Variants in FBXO33 observed in about 807,000 individuals in gnomAD.
The protein encoded by FBXO33 is F-box only protein 33.
FBXO33 carries 22 observed loss-of-function variants against 46.3 expected under a neutral mutation model. That is an observed-to-expected ratio of 0.48 (90% CI 0.34 to 0.68). The LOEUF is 0.68. FBXO33 is among the 30% of genes least tolerant of loss of function. The pLI is 0.01. For synonymous variants in FBXO33, 337 were observed against 291.3 expected (o/e 1.16, Z -1.60); for missense variants, 692 against 708.8 (o/e 0.98, Z 0.27).
chr14:39,417,015 G>C (rs550962841), intron 1 of FBXO33, among the ~76,000 whole-genome samples: 266 of 152,206 alleles, frequency 1.7e-3, no homozygotes, highest in Non-Finnish European at 3.1e-3. Flanking sequence ...TTTATTCCTA[G>C]TTGTCACAGG....
chr14:39,429,637 C>CA (rs1290790808), intron 1 of FBXO33, among the ~76,000 whole-genome samples: 1 of 152,140 alleles, frequency 6.6e-6, no homozygotes, highest in Non-Finnish European at 1.5e-5. Flanking sequence ...CATGCAATTA[C>CA]ACTACATTTT....
intron 1 of FBXO33, among the ~76,000 whole-genome samples, chr14:39,407,767 G>A (rs1239670810): frequency 2.0e-5 from 3 of 152,176 alleles, no homozygotes; most frequent in Non-Finnish European, 4.4e-5. Flanking sequence ...TGGGTGTGCA[G>A]ATATCTTTGA....
At chr14:39,418,780 A>C (rs1017684280) in intron 1 of FBXO33, among the ~76,000 whole-genome samples, 5 of 137,138 alleles carry the variant, frequency 3.6e-5, no homozygotes, top group African/African-American at 2.9e-5. Context: ...GTCTCAAAAA[A>C]AAAAAAAAAC....
At chr14:39,418,022 A>G (rs188502292) in intron 1 of FBXO33, among the ~76,000 whole-genome samples, 2 of 152,028 alleles carry the variant, frequency 1.3e-5, no homozygotes, top group African/African-American at 4.8e-5. Flanking sequence ...CCCAGTGATC[A>G]TATCTGGTGG....
At chr14:39,419,642 T>C (rs1203359338) in intron 1 of FBXO33, among the ~76,000 whole-genome samples, 3 of 152,228 alleles carry the variant, frequency 2.0e-5, no homozygotes, top group Admixed American at 6.5e-5. Flanking sequence ...CTCAGTAACC[T>C]GAGTTTATTT....
intron 1 of FBXO33, among the ~76,000 whole-genome samples, chr14:39,418,339 A>T (rs1166818518): frequency 6.6e-6 from 1 of 151,740 alleles, no homozygotes; most frequent in East Asian, 2.0e-4. Flanking sequence ...CTGGGATTAC[A>T]GGCCGGAGCC....
At chr14:39,401,967 A>G (rs964116763) in intron 2 of FBXO33, 106 bp from the exon 3 acceptor site, 33 of 837,366 alleles carry the variant, frequency 3.9e-5, no homozygotes, top group South Asian at 2.7e-4. Context: ...TTTGAGATCT[A>G]TTTTTCCTCA....
rs750206687 is a variant in FBXO33, at chr14:39,431,996, C to T, written c.167G>A (p.Arg56Gln). ...RGRPGAGSRRRGRMALCGQAA... is the reference protein window; with the variant it reads ...RGRPGAGSRRQGRMALCGQAA... ...CTGCCCGCACAGAGCCATCCGGCCC[C>T]GCCGCCGGCTGCCGGCTCCCGGCCG... The change falls in exon 1 of 4, where the codon CGG (arginine) becomes CAG (glutamine). Residue 56 changes from arginine (R) to glutamine (Q), a missense_variant. Coordinates refer to ENST00000298097, the MANE Select transcript of FBXO33 (RefSeq NM_203301.4). 1.7e-4 allele frequency: 247 copies of T among 1,431,572 alleles called. No individual in the cohort carries two copies. The East Asian group carries it at 5.4e-3, about 31-fold the overall frequency. The allele number at this position is 1,431,572 out of a possible 1,614,324, so 88.7% of individuals were successfully genotyped here. A position where few individuals can be genotyped will look rare whatever the true frequency, so the allele number is the denominator to read the frequency against.
Position 39,399,596 on chromosome 14 carries a change from C to G in FBXO33, c.1588G>C (p.Asp530His), listed in dbSNP as rs1374090731. Reference protein sequence around the residue: ...GLGQPWHAVMDIESLSVFTEP... With the variant: ...GLGQPWHAVMHIESLSVFTEP... ...GTGAAGACACTGAGTGATTCGATGT[C>G]CATGACTGCATGCCAAGGTTGACCC... is the stretch of plus-strand genomic sequence containing the variant. The change falls in exon 4 of 4, where the codon GAC becomes CAC. Residue 530 changes from aspartate to histidine, a missense_variant. Asp to His is a moderately conservative substitution (Grantham distance 81). This residue lies in a region of FBXO33 where 94 missense variants were observed against 91.9 expected (regional missense o/e 1.02). Coordinates refer to ENST00000298097, the MANE Select transcript of FBXO33 (RefSeq NM_203301.4). 1.9e-6 allele frequency: 3 copies of G among 1,613,760 alleles called. No individual in the cohort carries two copies. The Admixed American group carries it at 5.0e-5, about 27-fold the overall frequency.
intron 1 of FBXO33, among the ~76,000 whole-genome samples, chr14:39,415,244 C>A (rs1373740659): frequency 6.6e-6 from 1 of 151,960 alleles, no homozygotes; most frequent in South Asian, 2.1e-4. Flanking sequence ...CTGCCATTAC[C>A]CATGATCATG....
intron 3 of FBXO33, among the ~76,000 whole-genome samples, chr14:39,400,302 T>C (rs2075362842): frequency 6.6e-6 from 1 of 152,176 alleles, no homozygotes; most frequent in Non-Finnish European, 1.5e-5. Context: ...ATCATGTGAA[T>C]GATATGCACC....
intron 1 of FBXO33, among the ~76,000 whole-genome samples, chr14:39,414,308 G>A (rs933744826): frequency 2.8e-4 from 43 of 152,192 alleles, no homozygotes; most frequent in African/African-American, 9.4e-4. Context: ...TCACAGACTT[G>A]AAGAGCATTA....
intron 1 of FBXO33, among the ~76,000 whole-genome samples, chr14:39,419,134 A>T (rs960930990): frequency 2.0e-5 from 3 of 152,242 alleles, no homozygotes; most frequent in Non-Finnish European, 4.4e-5. Context: ...AGCAAGGTAG[A>T]GAATCGAGGT....
Position 39,432,230 on chromosome 14 carries a change from GGA to G in FBXO33, c.-70_-69del, listed in dbSNP as rs1197261256. On this transcript the variant is annotated 5_prime_UTR_variant, in exon 1 of 4. Transcript: ENST00000298097. ...CGGAACCAAGTAGAACACAAGTTGT[GGA>G]GAGGGGGAAAGGCCTCTGCGGGCGT... The G allele has an allele frequency of 1.7e-6, 2 of 1,157,138 alleles. No individual in the cohort carries two copies. The highest frequency in any genetic ancestry group is 3.2e-5 in the African/African-American group (2 of 61,646). The allele number at this position is 1,157,138 out of a possible 1,614,324, so 71.7% of individuals were successfully genotyped here.
At chr14:39,406,994 A>G (rs2075401762) in intron 1 of FBXO33, among the ~76,000 whole-genome samples, 1 of 152,224 alleles carries the variant, frequency 6.6e-6, no homozygotes, top group Non-Finnish European at 1.5e-5. Flanking sequence ...CAATTACATG[A>G]TCATTTACAC....
intron 2 of FBXO33, 118 bp downstream of exon 2, chr14:39,402,283 C>T: frequency 4.1e-6 from 2 of 483,142 alleles, no homozygotes; most frequent in East Asian, 6.9e-5. Context: ...AAAACATTTC[C>T]AGGACCTATG....
intron 1 of FBXO33, among the ~76,000 whole-genome samples, chr14:39,422,907 A>G (rs1374325979): frequency 6.6e-6 from 1 of 152,216 alleles, no homozygotes; most frequent in Non-Finnish European, 1.5e-5. Context: ...GTGGACCACA[A>G]GGTCAGGAGT....
chr14:39,415,332 G>A lies in FBXO33; in HGVS notation c.600-12821C>T, dbSNP rs2075442569. On this transcript the variant is annotated intron_variant, in intron 1 of 3. Transcript: ENST00000298097. ...CGACGACAACAACAAGAACAACAAAGATATAACAAGAAACACAATGTGAGC... is the reference window on the plus strand; with the variant it reads ...CGACGACAACAACAAGAACAACAAAAATATAACAAGAAACACAATGTGAGC... Among the ~76,000 whole-genome samples the A allele has an allele frequency of 2.0e-5, 3 of 152,082 alleles. No individual in the cohort carries two copies. In the South Asian group the frequency reaches 6.2e-4, roughly 32 times the overall value.
intron 1 of FBXO33, among the ~76,000 whole-genome samples, chr14:39,409,330 T>G (rs530982208): frequency 1.9e-4 from 29 of 152,326 alleles, no homozygotes; most frequent in African/African-American, 7.0e-4. Context: ...CAACACCATT[T>G]GTTGAAGAGA....
Sources: allele counts gnomAD v4.1 joint callset (sites outside exome capture counted in the v4.1 genomes callset), GRCh38; gene constraint gnomAD v4.1.1; regional missense constraint gnomAD v4.1.1; transcripts MANE v1.5; gene names NCBI Gene and HGNC (gene_info 2026-07-23, HGNC 2026-07-21).